ANKRD11: variants seen among roughly 807,000 people sequenced by gnomAD.
The protein encoded by ANKRD11 is ankyrin repeat domain 11.
Under a neutral mutation model 195.7 loss-of-function variants are expected in ANKRD11, and 17 were observed. That is an observed-to-expected ratio of 0.09 (90% CI 0.06 to 0.13). The LOEUF is 0.13. Ranked by LOEUF, ANKRD11 falls within the 10% of genes least tolerant of loss-of-function variation. The pLI is 1.00. For synonymous variants in ANKRD11, 1,953 were observed against 1,528.1 expected (o/e 1.28, Z -6.49); for missense variants, 3,735 against 3,566.1 (o/e 1.05, Z -1.21).
chr16:89,417,114 C>T (rs917224618), intron 2 of ANKRD11, among the ~76,000 whole-genome samples: 11 of 152,280 alleles, frequency 7.2e-5, no homozygotes, highest in African/African-American at 2.4e-4. Context: ...TCCTTCAAAC[C>T]TCACCTCTAT....
intron 2 of ANKRD11, among the ~76,000 whole-genome samples, chr16:89,338,424 T>C (rs2038485824): frequency 1.6e-5 from 2 of 127,040 alleles, no homozygotes; most frequent in Admixed American, 1.6e-4. Flanking sequence ...TACACTCTGT[T>C]AAAAAAAAAA....
intron 1 of ANKRD11, among the ~76,000 whole-genome samples, chr16:89,429,364 G>A (rs1232757438): frequency 7.8e-5 from 3 of 38,274 alleles, no homozygotes; most frequent in African/African-American, 2.7e-4. Context: ...GCGCTCAGAC[G>A]TTCTAGTACA....
intron 2 of ANKRD11, among the ~76,000 whole-genome samples, chr16:89,413,324 T>G (rs2042169600): frequency 1.3e-5 from 2 of 152,086 alleles, no homozygotes; most frequent in South Asian, 2.1e-4. Context: ...TAACAAAAAC[T>G]TATGTTGAAA....
chr16:89,463,824 G>T (rs1260772307), intron 1 of ANKRD11, among the ~76,000 whole-genome samples: 1 of 151,864 alleles, frequency 6.6e-6, no homozygotes, highest in Non-Finnish European at 1.5e-5. Context: ...TAAGTTTAAT[G>T]CTCCCATGGC....
intron 2 of ANKRD11, among the ~76,000 whole-genome samples, chr16:89,410,402 A>G (rs1292503350): frequency 1.3e-5 from 2 of 152,250 alleles, no homozygotes; most frequent in African/African-American, 4.8e-5. Context: ...TGGAGATAAT[A>G]AACAGAAAAA....
chr16:89,423,576 C>A (rs2042599266), intron 1 of ANKRD11, among the ~76,000 whole-genome samples: 1 of 152,202 alleles, frequency 6.6e-6, no homozygotes. Context: ...CCTGAAAGCA[C>A]AAGGTGGTGC....
At position 89,283,417 on chromosome 16, in the gene ANKRD11, A is replaced by G; in HGVS notation, c.3125T>C (p.Ile1042Thr). The change falls in exon 9 of 13, where the codon ATC becomes ACC. Residue 1042 changes from isoleucine (I) to threonine (T), a missense_variant. Coordinates refer to ENST00000301030, the MANE Select transcript of ANKRD11 (RefSeq NM_013275.6). This position sits in a 1 kb window ranked among gnomAD's most constrained non-coding sequence, Gnocchi z 4.3. ...TTTGTCCTTCTGACATTTTTCCAGG[A>G]TTGATTTCTCACTTTTGTCCTTGTC... ...SSDKDKSEKS[I>T]LEKCQKDKEF... 1.9e-6 allele frequency: 3 copies of G among 1,613,890 alleles called. No individual in the cohort carries two copies. Among genetic ancestry groups the G allele is most frequent in the Non-Finnish European group, 2.5e-6 (3 of 1,180,002 alleles).
At chr16:89,338,496 G>A (rs377640155) in intron 2 of ANKRD11, among the ~76,000 whole-genome samples, 8 of 150,818 alleles carry the variant, frequency 5.3e-5, no homozygotes, top group African/African-American at 1.2e-4. Flanking sequence ...TTGGGAGGCC[G>A]AGGCGGGCAA....
intron 1 of ANKRD11, among the ~76,000 whole-genome samples, chr16:89,424,625 G>GGCCAATCGAAAAGGTTACATTTCT (rs2042644818): frequency 6.6e-6 from 1 of 152,016 alleles, no homozygotes; most frequent in South Asian, 2.1e-4. Flanking sequence ...TGAGCAAAAA[G>GGCCAATCGAAAAGGTTACATTTCT]GCCAATCGAA....
chr16:89,268,811 G>T (rs2032864503), intron 12 of ANKRD11, 148 bp from the exon 13 acceptor site: 1 of 904,140 alleles, frequency 1.1e-6, no homozygotes. Flanking sequence ...CCCGCTCCTG[G>T]CATCTAGTTA....
intron 1 of ANKRD11, among the ~76,000 whole-genome samples, chr16:89,435,477 A>C (rs926711443): frequency 1.3e-5 from 2 of 152,104 alleles, no homozygotes; most frequent in African/African-American, 4.8e-5. Flanking sequence ...ATGAGCTGTA[A>C]CCCTCAGCGC....
chr16:89,454,816 C>CTG (rs2056357633), intron 1 of ANKRD11, among the ~76,000 whole-genome samples: 10 of 62,670 alleles, frequency 1.6e-4, no homozygotes, highest in African/African-American at 1.8e-4. Context: ...CCCCTGGGTG[C>CTG]TTCCAGGGTT....
intron 1 of ANKRD11, 37 bp downstream of exon 1, chr16:89,490,208 C>G (rs755761695): frequency 6.6e-6 from 1 of 151,654 alleles, no homozygotes; most frequent in Non-Finnish European, 1.5e-5. Flanking sequence ...CCCGTGCCCG[C>G]CCCGACCACC....
intron 2 of ANKRD11, among the ~76,000 whole-genome samples, chr16:89,348,937 C>T (rs1212103024): frequency 6.7e-6 from 1 of 149,262 alleles, no homozygotes; most frequent in Non-Finnish European, 1.5e-5. Context: ...AGACCAGCCT[C>T]GTCAACATGG....
chr16:89,303,607 C>G (rs2035979958), intron 4 of ANKRD11, among the ~76,000 whole-genome samples: 1 of 152,182 alleles, frequency 6.6e-6, no homozygotes, highest in Non-Finnish European at 1.5e-5. Flanking sequence ...GAGCCATGTG[C>G]CTGGCACTGC....
At chr16:89,474,320 G>A (rs756263903) in intron 1 of ANKRD11, among the ~76,000 whole-genome samples, 4 of 152,014 alleles carry the variant, frequency 2.6e-5, no homozygotes, top group Admixed American at 2.0e-4. Context: ...CACAGCAGTA[G>A]AAAATAAATA....
Position 89,363,539 on chromosome 16 carries a change from A to C in ANKRD11, c.-59-46461T>G, listed in dbSNP as rs79387645. 9.6e-3 allele frequency among the ~76,000 whole-genome samples: 1,462 copies of C among 152,260 alleles called. 24 individuals are homozygous for C. Among genetic ancestry groups the C allele is most frequent in the African/African-American group, 0.033 (1,359 of 41,532 alleles). ...TGAAATCTCTCAAGGGGGAAAAAAA[A>C]CCTTACATAGTTCACAATTCTGAGT... On this transcript the variant is annotated intron_variant, in intron 2 of 12. Coordinates refer to ENST00000301030, the MANE Select transcript of ANKRD11 (RefSeq NM_013275.6).
intron 2 of ANKRD11, among the ~76,000 whole-genome samples, chr16:89,346,233 G>C (rs1403249178): frequency 6.8e-6 from 1 of 147,116 alleles, no homozygotes; most frequent in Non-Finnish European, 1.5e-5. Context: ...GGGCGACAGA[G>C]GGAGACCCCG....
intron 1 of ANKRD11, among the ~76,000 whole-genome samples, chr16:89,450,074 T>C (rs1479131623): frequency 6.6e-6 from 1 of 152,184 alleles, no homozygotes; most frequent in East Asian, 1.9e-4. Context: ...CTTCAGGATT[T>C]GCAAACAATT....
Sources: allele counts gnomAD v4.1 joint callset (sites outside exome capture counted in the v4.1 genomes callset), GRCh38; gene constraint gnomAD v4.1.1; non-coding constraint Gnocchi (gnomAD v3.1); transcripts MANE v1.5; gene names NCBI Gene and HGNC (gene_info 2026-07-23, HGNC 2026-07-21).